Variants in CACNA2D3 observed in about 807,000 individuals in gnomAD.
The protein encoded by CACNA2D3 is calcium voltage-gated channel auxiliary subunit alpha2delta 3.
CACNA2D3 carries 60 observed loss-of-function variants against 160.6 expected under a neutral mutation model. That is an observed-to-expected ratio of 0.37 (90% CI 0.30 to 0.46). The LOEUF (loss-of-function observed/expected upper bound fraction) is 0.46, where lower values mean the gene tolerates loss of function less well. Among genes scored for constraint, CACNA2D3 ranks in the 20% least tolerant of loss-of-function variants. CACNA2D3 has a pLI of 1.00. For missense variants in CACNA2D3, 1,205 were observed against 1,365.0 expected, an observed-to-expected ratio of 0.88 and a Z score of 1.85; for synonymous variants, 558 against 492.9, an observed-to-expected ratio of 1.13 and a Z score of -1.75.
chr3:54,718,609 A>G lies in CACNA2D3; in HGVS notation c.1168-33990A>G, dbSNP rs188604950. Among the ~76,000 whole-genome samples the G allele has an allele frequency of 7.9e-5, 12 of 152,132 alleles. No individual in the cohort carries two copies. The East Asian group carries it at 2.1e-3, about 27-fold the overall frequency. ...TGTAAGTCCTAATATCTGGTAGTAT[A>G]AGTCTTCCAATATCATTTTGATTCT... On this transcript the variant is annotated intron_variant, in intron 11 of 37. Transcript: ENST00000474759.
chr3:55,053,593 G>C (rs1026907577), intron 35 of CACNA2D3, among the ~76,000 whole-genome samples: 1 of 151,778 alleles, frequency 6.6e-6, no homozygotes, highest in African/African-American at 2.4e-5. Context: ...ACTGCTTTTT[G>C]CTACCAAAAA....
At chr3:54,496,694 C>T (rs1487995538) in intron 4 of CACNA2D3, among the ~76,000 whole-genome samples, 2 of 152,080 alleles carry the variant, frequency 1.3e-5, no homozygotes, top group African/African-American at 4.8e-5. Context: ...CTTCTGTAGC[C>T]TAAGAAATCA....
chr3:54,345,844 T>A lies in CACNA2D3; in HGVS notation c.321+25286T>A, dbSNP rs964316286. On this transcript the variant is annotated intron_variant, in intron 3 of 37. Coordinates refer to ENST00000474759, the MANE Select transcript of CACNA2D3 (RefSeq NM_018398.3). ...TCTCTCTTGATGCTCTTTTTTTTTT[T>A]TAAAAAAATTGCATGTGTAGAATCT... 8.0e-4 allele frequency among the ~76,000 whole-genome samples: 120 copies of A among 149,896 alleles called. 1 individual carries two copies. The highest frequency in any genetic ancestry group is 2.7e-3 in the African/African-American group (109 of 40,324).
intron 12 of CACNA2D3, among the ~76,000 whole-genome samples, chr3:54,761,069 A>T (rs546746939): frequency 6.6e-6 from 1 of 151,504 alleles, no homozygotes; most frequent in Non-Finnish European, 1.5e-5. Context: ...TTTTCCCCCA[A>T]CTCCCTCTCT....
At chr3:54,804,470 G>A (rs913543223) in intron 13 of CACNA2D3, among the ~76,000 whole-genome samples, 6 of 152,280 alleles carry the variant, frequency 3.9e-5, no homozygotes, top group East Asian at 3.9e-4. Context: ...ATACATAATG[G>A]TAAAGGGATC....
In CACNA2D3 at chr3:54,949,786, C is replaced by G. The variant is rs145961312; in HGVS notation, c.2450-18664C>G. On this transcript the variant is annotated intron_variant, in intron 27 of 37. Coordinates refer to ENST00000474759, the MANE Select transcript of CACNA2D3 (RefSeq NM_018398.3). ...TGCCACAGATAGATGCATCCTTAGG[C>G]TCCTGGATGGAAGACTTTTTTTGCC... 2.7e-3 allele frequency among the ~76,000 whole-genome samples: 356 copies of G among 130,372 alleles called. 2 individuals are homozygous for G. The highest frequency in any genetic ancestry group is 8.8e-3 in the African/African-American group (335 of 38,036). The allele number at this position is 130,372 out of a possible 152,430, so 85.5% of individuals were successfully genotyped here. A position where few individuals can be genotyped will look rare whatever the true frequency, so the allele number is the denominator to read the frequency against.
chr3:55,008,451 A>G (rs1380493526), intron 33 of CACNA2D3, among the ~76,000 whole-genome samples: 2 of 152,200 alleles, frequency 1.3e-5, no homozygotes, highest in African/African-American at 2.4e-5. Context: ...ATAGATGAAC[A>G]TGTAAACAAG....
At chr3:54,602,523 GGAAAAAA>G (rs1367263827) in intron 9 of CACNA2D3, among the ~76,000 whole-genome samples, 4 of 147,074 alleles carry the variant, frequency 2.7e-5, no homozygotes, top group East Asian at 2.0e-4. Context: ...AAAAAAAAAG[GGAAAAAA>G]GAAAAAAGAG....
At chr3:54,146,249 G>A (rs1057026929) in intron 2 of CACNA2D3, among the ~76,000 whole-genome samples, 3 of 152,168 alleles carry the variant, frequency 2.0e-5, no homozygotes, top group Non-Finnish European at 4.4e-5. Context: ...GTCCCTGGGT[G>A]TAACTGTTAT....
intron 35 of CACNA2D3, among the ~76,000 whole-genome samples, chr3:55,053,786 T>C (rs1034917412): frequency 6.6e-6 from 1 of 151,986 alleles, no homozygotes; most frequent in African/African-American, 2.4e-5. Context: ...TTTCTTGCCT[T>C]ACTGCACAGG....
intron 27 of CACNA2D3, among the ~76,000 whole-genome samples, chr3:54,944,595 G>A (rs1034401294): frequency 6.6e-6 from 1 of 151,870 alleles, no homozygotes; most frequent in African/African-American, 2.4e-5. Flanking sequence ...TAATTTTTTT[G>A]TATTTTTAGT....
At chr3:54,870,652 AG>A (rs1699505242) in intron 17 of CACNA2D3, among the ~76,000 whole-genome samples, 1 of 152,180 alleles carries the variant, frequency 6.6e-6, no homozygotes, top group Non-Finnish European at 1.5e-5. Context: ...CCAGTGATTT[AG>A]GGGAGAAAAC....
chr3:54,881,804 G>A (rs903157279), intron 21 of CACNA2D3, among the ~76,000 whole-genome samples: 1 of 152,210 alleles, frequency 6.6e-6, no homozygotes, highest in Non-Finnish European at 1.5e-5. Flanking sequence ...CATGTATGTG[G>A]TGAGTTTCCA....
At chr3:54,147,379 G>A (rs892566139) in intron 2 of CACNA2D3, among the ~76,000 whole-genome samples, 4 of 152,244 alleles carry the variant, frequency 2.6e-5, no homozygotes, top group African/African-American at 4.8e-5. Context: ...ATTAGCAGAC[G>A]AAAGGAATCA....
intron 2 of CACNA2D3, among the ~76,000 whole-genome samples, chr3:54,188,585 C>T (rs1050677038): frequency 1.3e-5 from 2 of 152,162 alleles, no homozygotes; most frequent in Non-Finnish European, 2.9e-5. Flanking sequence ...AGTTGGAATC[C>T]AACCATAGGG....
At chr3:54,753,478 C>T (rs1193582909) in intron 12 of CACNA2D3, among the ~76,000 whole-genome samples, 1 of 152,202 alleles carries the variant, frequency 6.6e-6, no homozygotes, top group African/African-American at 2.4e-5. Context: ...TCACGAGATG[C>T]AGCAGCCTTC....
chr3:55,029,873 C>G (rs1703652069), intron 35 of CACNA2D3, among the ~76,000 whole-genome samples: 1 of 152,170 alleles, frequency 6.6e-6, no homozygotes, highest in African/African-American at 2.4e-5. Flanking sequence ...TCTACAGATT[C>G]TTGCCAAACT....
chr3:54,368,856 C>T (rs574826587), intron 3 of CACNA2D3, among the ~76,000 whole-genome samples: 1 of 151,796 alleles, frequency 6.6e-6, no homozygotes, highest in East Asian at 1.9e-4. Flanking sequence ...CGCTTGCCAC[C>T]ATGCCTGGCT....
At position 54,550,664 on chromosome 3, in the gene CACNA2D3, C is replaced by T. The variant is rs112606366; in HGVS notation, c.545-12136C>T. On this transcript the variant is annotated intron_variant, in intron 5 of 37. Transcript: ENST00000474759. ...AAGACAGCTTTTTGGGGACACGTTT[C>T]CCTGTTGCAGTCAACAGAATTTCCC... Among the ~76,000 whole-genome samples the T allele has an allele frequency of 5.6e-3, 855 of 152,272 alleles. 10 individuals carry two copies. The highest frequency in any genetic ancestry group is 9.8e-3 in the Non-Finnish European group (667 of 68,022).
Sources: allele counts gnomAD v4.1 joint callset (sites outside exome capture counted in the v4.1 genomes callset), GRCh38; gene constraint gnomAD v4.1.1; transcripts MANE v1.5; gene names NCBI Gene and HGNC (gene_info 2026-07-23, HGNC 2026-07-21).